THSD4: variants seen among roughly 807,000 people sequenced by gnomAD.
THSD4 encodes the protein thrombospondin type 1 domain containing 4, also known as thrombospondin type-1 domain-containing protein 4.
In THSD4, 69 loss-of-function variants were observed where a neutral mutation model predicts 119.0. The ratio of observed to expected loss-of-function variants is 0.58; its 90% confidence interval spans 0.48 to 0.71. The LOEUF is 0.71. Ranked by LOEUF, THSD4 falls within the 30% of genes least tolerant of loss-of-function variation. The pLI is 0.00. For synonymous variants in THSD4, 524 were observed against 540.4 expected, an observed-to-expected ratio of 0.97 and a Z score of 0.42; for missense variants, 1,393 against 1,391.1, an observed-to-expected ratio of 1.00 and a Z score of -0.02.
At chr15:71,663,714 C>G (rs1357101767) in intron 8 of THSD4, among the ~76,000 whole-genome samples, 2 of 152,136 alleles carry the variant, frequency 1.3e-5, no homozygotes, top group Non-Finnish European at 2.9e-5. Context: ...ATTTTGAACT[C>G]TTCGACGGCT....
chr15:71,506,635 G>A (rs978754948), intron 7 of THSD4, among the ~76,000 whole-genome samples: 2 of 152,206 alleles, frequency 1.3e-5, no homozygotes, highest in African/African-American at 4.8e-5. Context: ...AAAACAACAC[G>A]TTAAACTTTC....
At chr15:71,345,406 C>G (rs997825914) in intron 6 of THSD4, among the ~76,000 whole-genome samples, 4 of 152,002 alleles carry the variant, frequency 2.6e-5, no homozygotes, top group Admixed American at 1.3e-4. Context: ...GTGCTGACCT[C>G]TGTGATTGGC....
chr15:71,249,164 G>GTA (rs779072026), intron 5 of THSD4, among the ~76,000 whole-genome samples: 31 of 151,542 alleles, frequency 2.0e-4, no homozygotes, highest in African/African-American at 5.3e-4. Context: ...ACACACATAT[G>GTA]TATATATATG....
At chr15:71,684,849 TAAA>T (rs765608464) in intron 8 of THSD4, among the ~76,000 whole-genome samples, 9 of 152,100 alleles carry the variant, frequency 5.9e-5, no homozygotes, top group South Asian at 2.1e-4. Flanking sequence ...AACTCACCAA[TAAA>T]AAACATCTGG....
intron 1 of THSD4, among the ~76,000 whole-genome samples, chr15:71,102,378 A>T (rs1046273153): frequency 1.3e-5 from 2 of 151,104 alleles, no homozygotes; most frequent in African/African-American, 4.9e-5. Context: ...ACTTTTTGGT[A>T]TTTTTTCCCA....
intron 7 of THSD4, among the ~76,000 whole-genome samples, chr15:71,566,669 A>G (rs1200474392): frequency 6.6e-6 from 1 of 151,998 alleles, no homozygotes; most frequent in Non-Finnish European, 1.5e-5. Context: ...TAACTTGCTC[A>G]CTAGGCCTTC....
intron 6 of THSD4, among the ~76,000 whole-genome samples, chr15:71,308,812 C>A (rs1235906685): frequency 6.6e-6 from 1 of 152,180 alleles, no homozygotes; most frequent in African/African-American, 2.4e-5. Context: ...TGAAGAACTG[C>A]TAAATTGTTT....
intron 8 of THSD4, among the ~76,000 whole-genome samples, chr15:71,697,672 C>T (rs1232059178): frequency 6.6e-6 from 1 of 152,140 alleles, no homozygotes; most frequent in Non-Finnish European, 1.5e-5. Context: ...CCATGTAAAA[C>T]AAAAGAAGAG....
At chr15:71,218,934 C>T (rs1424835638) in intron 4 of THSD4, among the ~76,000 whole-genome samples, 2 of 152,154 alleles carry the variant, frequency 1.3e-5, no homozygotes, top group African/African-American at 2.4e-5. Context: ...GGCCCTGGGA[C>T]ATACACAAAG....
In THSD4 at chr15:71,194,423, G is replaced by A. The variant is rs926610884; in HGVS notation, c.100-20612G>A. On this transcript the variant is annotated intron_variant, in intron 3 of 17. Transcript: ENST00000261862. ...TCAAGTCCTTGGTACTAAGGGCACTGCGGAGGGGTCTGGAGATAGTTTGCC... is the reference window on the plus strand; with the variant it reads ...TCAAGTCCTTGGTACTAAGGGCACTACGGAGGGGTCTGGAGATAGTTTGCC... 3.3e-5 allele frequency among the ~76,000 whole-genome samples: 5 copies of A among 152,186 alleles called. No individual in the cohort carries two copies. The East Asian group carries it at 9.6e-4, about 29-fold the overall frequency.
At chr15:71,586,830 T>C (rs2049680296) in intron 7 of THSD4, among the ~76,000 whole-genome samples, 1 of 152,216 alleles carries the variant, frequency 6.6e-6, no homozygotes, top group South Asian at 2.1e-4. Flanking sequence ...TATTCTGTGT[T>C]TCCTTCATGA....
At position 71,397,912 on chromosome 15, in the gene THSD4, G is replaced by A. The variant is rs570341532; in HGVS notation, c.1016-13775G>A. 5.1e-4 allele frequency among the ~76,000 whole-genome samples: 77 copies of A among 152,306 alleles called. 2 individuals carry two copies. The South Asian group carries it at 0.015, about 30-fold the overall frequency. ...AATGCAAGCACTCTAGCCAGGTTGGGTGTCATTATAATCAATTTAGGAAAT... is the reference window on the plus strand; with the variant it reads ...AATGCAAGCACTCTAGCCAGGTTGGATGTCATTATAATCAATTTAGGAAAT... On this transcript the variant is annotated intron_variant, in intron 6 of 17. Transcript: ENST00000261862.
At chr15:71,539,981 G>A (rs570987422) in intron 7 of THSD4, among the ~76,000 whole-genome samples, 2 of 152,250 alleles carry the variant, frequency 1.3e-5, no homozygotes, top group South Asian at 2.1e-4. Context: ...GGAGACAGAA[G>A]CCAGGGCAGT....
chr15:71,102,823 C>T (rs943602521), intron 1 of THSD4, among the ~76,000 whole-genome samples: 6 of 152,166 alleles, frequency 3.9e-5, no homozygotes, highest in African/African-American at 1.4e-4. Flanking sequence ...GCCTTGGCCT[C>T]CCAAAGTGCT....
intron 6 of THSD4, among the ~76,000 whole-genome samples, chr15:71,391,213 T>C (rs547490652): frequency 6.6e-6 from 1 of 152,194 alleles, no homozygotes; most frequent in African/African-American, 2.4e-5. Context: ...TATTTTTTAG[T>C]AGAGACGGGG....
chr15:71,558,721 T>C (rs1308439121), intron 7 of THSD4, among the ~76,000 whole-genome samples: 1 of 152,204 alleles, frequency 6.6e-6, no homozygotes, highest in African/African-American at 2.4e-5. Context: ...TCCTTCCACC[T>C]TGGCCTCCCA....
chr15:71,347,750 C>T (rs2045685153), intron 6 of THSD4, among the ~76,000 whole-genome samples: 2 of 152,188 alleles, frequency 1.3e-5, no homozygotes. Flanking sequence ...TGACTAGTGG[C>T]TACCATGTTG....
chr15:71,755,801 G>C (rs373130497), intron 14 of THSD4, among the ~76,000 whole-genome samples: 3 of 151,462 alleles, frequency 2.0e-5, no homozygotes, highest in Non-Finnish European at 1.5e-5. Context: ...GAATTCCAAG[G>C]CTTGAAAGAA....
chr15:71,182,768 T>C (rs2043546834), intron 3 of THSD4, among the ~76,000 whole-genome samples: 1 of 151,750 alleles, frequency 6.6e-6, no homozygotes, highest in South Asian at 2.1e-4. Context: ...TGATGTGATC[T>C]GATTTTTGAT....
Sources: gnomAD v4.1 joint callset for allele counts (sites outside exome capture counted in the v4.1 genomes callset) on GRCh38, gnomAD v4.1.1 for gene constraint, MANE v1.5 for transcripts, NCBI Gene and HGNC (gene_info 2026-07-23, HGNC 2026-07-21) for gene names.